The following CALN1 variants were observed in gnomAD, a reference collection of about 807,000 sequenced individuals.
CALN1 encodes the protein calcium-binding protein 8.
CALN1 carries 17 observed loss-of-function variants against 30.6 expected under a neutral mutation model. The observed-to-expected ratio is 0.56, with a 90% CI of 0.38 to 0.83. The LOEUF is 0.83. CALN1 is among the 40% of genes least tolerant of loss of function. The pLI, the probability that CALN1 is intolerant of heterozygous loss-of-function variation, is 0.00. For missense variants in CALN1, 291 were observed against 354.9 expected (o/e 0.82, Z 1.45); for synonymous variants, 156 against 131.4 (o/e 1.19, Z -1.28).
At chr7:72,204,834 C>T (rs1281368674) in intron 3 of CALN1, among the ~76,000 whole-genome samples, 1 of 152,122 alleles carries the variant, frequency 6.6e-6, no homozygotes, top group African/African-American at 2.4e-5. Context: ...TAAACTAATA[C>T]AGTTATTTTA....
intron 5 of CALN1, among the ~76,000 whole-genome samples, chr7:71,859,440 C>T (rs564118680): frequency 1.3e-5 from 2 of 152,298 alleles, no homozygotes; most frequent in South Asian, 2.1e-4. Context: ...TTTATGCTGT[C>T]TTTGAAAGGA....
At chr7:71,974,067 C>G (rs1363308230) in intron 5 of CALN1, among the ~76,000 whole-genome samples, 2 of 152,038 alleles carry the variant, frequency 1.3e-5, no homozygotes, top group African/African-American at 4.8e-5. Context: ...TGTAATTCAA[C>G]CAAATATATG....
intron 3 of CALN1, among the ~76,000 whole-genome samples, chr7:72,148,191 G>T (rs1585040081): frequency 6.6e-6 from 1 of 150,784 alleles, no homozygotes; most frequent in East Asian, 1.9e-4. Flanking sequence ...ATGGGGCTTG[G>T]TAGATGATGT....
chr7:72,310,581 C>A (rs111803693), intron 2 of CALN1, among the ~76,000 whole-genome samples: 3 of 151,970 alleles, frequency 2.0e-5, no homozygotes, highest in African/African-American at 4.8e-5. Context: ...GCGGTGGACA[C>A]TTGATGCATC....
At chr7:72,397,959 G>A (rs1046751903) in intron 2 of CALN1, among the ~76,000 whole-genome samples, 2 of 152,138 alleles carry the variant, frequency 1.3e-5, no homozygotes, top group African/African-American at 2.4e-5. Flanking sequence ...CTAAGACACA[G>A]CTCCTGGATG....
chr7:72,119,922 A>G (rs1029485615), intron 3 of CALN1, among the ~76,000 whole-genome samples: 1 of 152,204 alleles, frequency 6.6e-6, no homozygotes, highest in Non-Finnish European at 1.5e-5. Context: ...GAGATATGCT[A>G]CATTTTCCAG....
intron 2 of CALN1, among the ~76,000 whole-genome samples, chr7:72,299,591 A>G (rs1012722942): frequency 2.6e-5 from 4 of 152,168 alleles, no homozygotes; most frequent in African/African-American, 9.6e-5. Context: ...CAGACAATTC[A>G]CAAAACTGGA....
At chr7:72,357,842 A>ATATATT in intron 2 of CALN1, among the ~76,000 whole-genome samples, 1 of 146,816 alleles carries the variant, frequency 6.8e-6, no homozygotes, top group South Asian at 2.1e-4. Flanking sequence ...ATATATTTAT[A>ATATATT]TATATTTATA....
At chr7:72,487,734 A>AAAGGAAGGAAGGAAGGAAGGAAGG in the CALN1 span, among the ~76,000 whole-genome samples, 12 of 56,616 alleles carry the variant, frequency 2.1e-4, no homozygotes, top group Admixed American at 7.0e-4. Context: ...AGAAAGAAAG[A>AAAGGAAGGAAGGAAGGAAGGAAGG]AAGGAAGGAA....
At chr7:72,338,470 AGTGTGTGTGTGTGT>A (rs56695086) in intron 2 of CALN1, among the ~76,000 whole-genome samples, 1,735 of 74,792 alleles carry the variant, frequency 0.023, 49 homozygotes, top group African/African-American at 0.064. Context: ...CCAGCAGCAC[AGTGTGTGTGTGTGT>A]GTGTGTGTGT....
chr7:71,815,229 T>C (rs1020209352), intron 5 of CALN1, among the ~76,000 whole-genome samples: 1 of 152,134 alleles, frequency 6.6e-6, no homozygotes, highest in African/African-American at 2.4e-5. Flanking sequence ...TATACTTGGA[T>C]TTTTGACTGC....
At chr7:72,227,257 C>A (rs1245412681) in intron 3 of CALN1, among the ~76,000 whole-genome samples, 2 of 148,350 alleles carry the variant, frequency 1.3e-5, no homozygotes, top group African/African-American at 5.0e-5. Flanking sequence ...AAAAAGAGGG[C>A]AGCCGGGAGT....
At chr7:71,878,390 A>T (rs1431701000) in intron 5 of CALN1, among the ~76,000 whole-genome samples, 1 of 149,816 alleles carries the variant, frequency 6.7e-6, no homozygotes, top group Non-Finnish European at 1.5e-5. Context: ...CAACAGAGTG[A>T]GACCCTGTCT....
intron 2 of CALN1, among the ~76,000 whole-genome samples, chr7:72,294,643 G>A (rs1212044509): frequency 3.9e-5 from 6 of 151,966 alleles, no homozygotes; most frequent in South Asian, 2.1e-4. Context: ...CAGCTACTTC[G>A]GAGACTGAGG....
At chr7:71,994,309 C>G in intron 5 of CALN1, among the ~76,000 whole-genome samples, 1 of 152,002 alleles carries the variant, frequency 6.6e-6, no homozygotes, top group South Asian at 2.1e-4. Flanking sequence ...GTCAGGAGTT[C>G]AAGGCCAGCC....
At chr7:72,060,047 A>G (rs1472860852) in intron 4 of CALN1, among the ~76,000 whole-genome samples, 1 of 152,188 alleles carries the variant, frequency 6.6e-6, no homozygotes, top group Non-Finnish European at 1.5e-5. Context: ...ATGCAATGCT[A>G]AAGACCCCGG....
chr7:71,960,499 T>C (rs1016598168), intron 5 of CALN1, among the ~76,000 whole-genome samples: 9 of 152,244 alleles, frequency 5.9e-5, no homozygotes, highest in African/African-American at 1.9e-4. Flanking sequence ...CTGCAGAAGA[T>C]AATGATTGCA....
intron 1 of CALN1, among the ~76,000 whole-genome samples, chr7:72,426,829 A>G (rs1807812971): frequency 6.6e-6 from 1 of 152,116 alleles, no homozygotes; most frequent in African/African-American, 2.4e-5. Context: ...TTGACCACTC[A>G]TGTTTGCTGT....
the CALN1 span, among the ~76,000 whole-genome samples, chr7:72,464,274 A>G: frequency 2.0e-5 from 3 of 152,108 alleles, no homozygotes; most frequent in African/African-American, 7.2e-5. Flanking sequence ...GTGCCACTGC[A>G]CTCCAGCCTG....
Sources: gnomAD v4.1 joint callset for allele counts (sites outside exome capture counted in the v4.1 genomes callset) on GRCh38, gnomAD v4.1.1 for gene constraint, MANE v1.5 for transcripts, NCBI Gene and HGNC (gene_info 2026-07-23, HGNC 2026-07-21) for gene names.